The following SLC16A12 variants were observed in gnomAD, a reference collection of about 807,000 sequenced individuals.
SLC16A12 encodes the protein solute carrier family 16 member 12.
In SLC16A12, 17 loss-of-function variants were observed where a neutral mutation model predicts 42.4. That is an observed-to-expected ratio of 0.40 (90% CI 0.27 to 0.60). The LOEUF is 0.60. Ranked by LOEUF, SLC16A12 falls within the 20% of genes least tolerant of loss-of-function variation. The pLI is 0.42. For missense variants in SLC16A12, 544 were observed against 623.0 expected (o/e 0.87, Z 1.35); for synonymous variants, 224 against 229.4 (o/e 0.98, Z 0.21).
At chr10:89,435,914 G>A in intron 7 of SLC16A12, 146 bp downstream of exon 7, 1 of 1,165,690 alleles carries the variant, frequency 8.6e-7, no homozygotes, top group East Asian at 2.5e-5. Context: ...GACCATGATG[G>A]TTTTGGGGGC....
chr10:89,487,974 A>G lies in SLC16A12; in HGVS notation c.-46-25350T>C, dbSNP rs868209028. The stretch of plus-strand genomic sequence containing the variant: ...AAATGTGGTGTGTGTGTATATATAT[A>G]TATATATATATATATATATATACAC... On this transcript the variant is annotated intron_variant, in intron 2 of 7. Transcript: ENST00000371790. Among the ~76,000 whole-genome samples, 476 of 120,370 alleles carry G rather than the reference A, an allele frequency of 4.0e-3. 3 individuals are homozygous for G. Among genetic ancestry groups the G allele is most frequent in the African/African-American group, 9.7e-3 (257 of 26,470 alleles). 79.0% of individuals were successfully genotyped at this position (120,370 alleles called of 152,430 possible).
At chr10:89,489,166 C>T (rs182536198) in intron 2 of SLC16A12, among the ~76,000 whole-genome samples, 8 of 152,154 alleles carry the variant, frequency 5.3e-5, no homozygotes, top group Admixed American at 5.2e-4. Flanking sequence ...CATATTAATG[C>T]TATTTTGACC....
At chr10:89,453,093 T>C (rs1842122694) in intron 3 of SLC16A12, among the ~76,000 whole-genome samples, 1 of 152,208 alleles carries the variant, frequency 6.6e-6, no homozygotes, top group Non-Finnish European at 1.5e-5. Flanking sequence ...GGTCCTTCTC[T>C]ATCCAGTGAT....
At chr10:89,541,565 C>T (rs1240221092) in intron 2 of SLC16A12, among the ~76,000 whole-genome samples, 3 of 152,112 alleles carry the variant, frequency 2.0e-5, no homozygotes, top group Admixed American at 6.6e-5. Flanking sequence ...CCAGCTTGGG[C>T]GACAGAACTA....
chr10:89,547,756 G>T (rs1843749516), intron 2 of SLC16A12, among the ~76,000 whole-genome samples: 1 of 152,076 alleles, frequency 6.6e-6, no homozygotes, highest in Non-Finnish European at 1.5e-5. Flanking sequence ...CAGCACTTTG[G>T]GAGGCTGAGG....
At chr10:89,464,783 C>G (rs183662468) in intron 2 of SLC16A12, among the ~76,000 whole-genome samples, 161 of 152,204 alleles carry the variant, frequency 1.1e-3, no homozygotes, top group Non-Finnish European at 2.1e-3. Flanking sequence ...GTAGTGAGGC[C>G]AAGGCAACAA....
At chr10:89,482,598 T>C (rs1047664665) in intron 2 of SLC16A12, among the ~76,000 whole-genome samples, 2 of 151,820 alleles carry the variant, frequency 1.3e-5, no homozygotes, top group Admixed American at 6.6e-5. Context: ...CTGGGCAACA[T>C]AGCAAGACCC....
chr10:89,476,825 C>T (rs1589691389), intron 2 of SLC16A12, among the ~76,000 whole-genome samples: 1 of 152,368 alleles, frequency 6.6e-6, no homozygotes, highest in Admixed American at 6.5e-5. Context: ...CCCCTTCTTT[C>T]TGCTTTTGCA....
chr10:89,436,398 G>A (rs963839740), intron 6 of SLC16A12, 79 bp from the exon 7 acceptor site: 5 of 1,525,702 alleles, frequency 3.3e-6, no homozygotes, highest in Non-Finnish European at 4.5e-6. Flanking sequence ...CTATGCAGCA[G>A]TAAGCATTGC....
At chr10:89,458,881 C>CCACT (rs1842243868) in intron 3 of SLC16A12, among the ~76,000 whole-genome samples, 2 of 152,236 alleles carry the variant, frequency 1.3e-5, no homozygotes, top group South Asian at 4.1e-4. Flanking sequence ...AGTTAACAAA[C>CCACT]CACTTTAGGC....
In SLC16A12 at chr10:89,435,558, T is replaced by C. The variant is rs528608730; in HGVS notation, c.1288+502A>G. Among the ~76,000 whole-genome samples, 15 of 152,344 alleles carry C rather than the reference T, an allele frequency of 9.8e-5. 1 individual carries two copies. In the East Asian group the frequency reaches 2.9e-3, roughly 29 times the overall value. On this transcript the variant is annotated intron_variant, in intron 7 of 7. Coordinates refer to ENST00000371790, the MANE Select transcript of SLC16A12 (RefSeq NM_213606.4). ...TTGCTAGATCACATTTTCTAACATA[T>C]ATACTTTACCATATTATCCTTTTAC...
intron 2 of SLC16A12, among the ~76,000 whole-genome samples, chr10:89,525,290 A>T (rs1173024328): frequency 6.6e-6 from 1 of 151,994 alleles, no homozygotes; most frequent in Non-Finnish European, 1.5e-5. Context: ...TTAGCAGTCA[A>T]TTAGGTATAC....
intron 2 of SLC16A12, among the ~76,000 whole-genome samples, chr10:89,508,054 C>T (rs1843096064): frequency 6.6e-6 from 1 of 152,146 alleles, no homozygotes; most frequent in Non-Finnish European, 1.5e-5. Flanking sequence ...TGCATCCAAA[C>T]AGGAGCACCC....
At chr10:89,510,876 A>G (rs912167349) in intron 2 of SLC16A12, among the ~76,000 whole-genome samples, 6 of 152,230 alleles carry the variant, frequency 3.9e-5, no homozygotes, top group African/African-American at 1.4e-4. Flanking sequence ...AATTTATACA[A>G]ATTTACAAGA....
At chr10:89,436,914 A>AAGAAATAAAGAAAAAG (rs796398100) in intron 6 of SLC16A12, among the ~76,000 whole-genome samples, 1 of 136,462 alleles carries the variant, frequency 7.3e-6, no homozygotes, top group Non-Finnish European at 1.6e-5. Flanking sequence ...GAAAGAAAGA[A>AAGAAATAAAGAAAAAG]AAAGAAAGAG....
intron 3 of SLC16A12, among the ~76,000 whole-genome samples, chr10:89,451,120 C>T (rs954268980): frequency 2.6e-5 from 4 of 152,146 alleles, no homozygotes; most frequent in African/African-American, 9.7e-5. Context: ...AGAAATCAGG[C>T]CTGTGGCTTG....
intron 2 of SLC16A12, among the ~76,000 whole-genome samples, chr10:89,521,122 G>T (rs920587236): frequency 6.6e-6 from 1 of 152,210 alleles, no homozygotes; most frequent in African/African-American, 2.4e-5. Context: ...GCTATCAAAT[G>T]CTGAAGTTGA....
intron 2 of SLC16A12, among the ~76,000 whole-genome samples, chr10:89,530,871 T>C (rs2133869840): frequency 6.6e-6 from 1 of 152,318 alleles, no homozygotes; most frequent in Middle Eastern, 3.4e-3. Flanking sequence ...AATCCACTTT[T>C]TGTTCATATG....
chr10:89,430,600 A>ATT lies in SLC16A12; in HGVS notation c.*2463_*2464insAA. The ATT allele has an allele frequency of 4.4e-6, 2 of 459,310 alleles. No homozygotes were observed. The highest frequency in any genetic ancestry group is 3.3e-5 in the South Asian group (2 of 61,006). 28.5% of individuals were successfully genotyped at this position (459,310 alleles called of 1,614,324 possible). Reference sequence around the variant, plus strand: ...AACAGTATAGACACATGGAACATTAACACTAAAATTCTGTGTAGAAATGTA... The same window carrying ATT: ...AACAGTATAGACACATGGAACATTAATTCACTAAAATTCTGTGTAGAAATGTA... On this transcript the variant is annotated 3_prime_UTR_variant, in exon 8 of 8. Coordinates refer to ENST00000371790, the MANE Select transcript of SLC16A12 (RefSeq NM_213606.4).
Sources: allele counts gnomAD v4.1 joint callset (sites outside exome capture counted in the v4.1 genomes callset), GRCh38; gene constraint gnomAD v4.1.1; transcripts MANE v1.5; gene names NCBI Gene and HGNC (gene_info 2026-07-23, HGNC 2026-07-21).